Variants in ACSM2A observed in about 807,000 individuals in gnomAD.
The protein encoded by ACSM2A is acyl-CoA synthetase medium chain family member 2A.
ACSM2A carries 72 observed loss-of-function variants against 76.6 expected under a neutral mutation model. The observed-to-expected ratio is 0.94, with a 90% CI of 0.78 to 1.14. The LOEUF is 1.14. ACSM2A is among the 50% of genes most tolerant of loss of function. ACSM2A has a pLI of 0.00. For synonymous variants in ACSM2A, 249 were observed against 255.9 expected, an observed-to-expected ratio of 0.97 and a Z score of 0.26; for missense variants, 684 against 708.5, an observed-to-expected ratio of 0.97 and a Z score of 0.39.
chr16:20,486,872 T>A lies in ACSM2A; in HGVS notation c.*194T>A. ...AAGAAAGGGAAGGAATGAGAGAGAGTGAAAAGGAGAGGGTAACAGAAAAAA... is the reference window on the plus strand; with the variant it reads ...AAGAAAGGGAAGGAATGAGAGAGAGAGAAAAGGAGAGGGTAACAGAAAAAA... On this transcript the variant is annotated 3_prime_UTR_variant, in exon 14 of 14. Coordinates refer to ENST00000573854, the MANE Select transcript of ACSM2A (RefSeq NM_001308172.2). 1 of 606,372 alleles carries A rather than the reference T, an allele frequency of 1.6e-6. No homozygotes were observed. The highest frequency in any genetic ancestry group is 2.9e-5 in the South Asian group (1 of 34,556). The allele number at this position is 606,372 out of a possible 1,614,324, so 37.6% of individuals were successfully genotyped here.
intron 6 of ACSM2A, among the ~76,000 whole-genome samples, chr16:20,473,741 G>A (rs968469380): frequency 2.6e-5 from 4 of 151,854 alleles, no homozygotes; most frequent in African/African-American, 9.7e-5. Flanking sequence ...CTGAGAGACT[G>A]TTTCAGGCCA....
intron 13 of ACSM2A, among the ~76,000 whole-genome samples, chr16:20,484,111 T>C (rs1039321397): frequency 1.3e-5 from 2 of 149,570 alleles, no homozygotes; most frequent in Non-Finnish European, 3.0e-5. Flanking sequence ...CATGTGTCCA[T>C]TGCTAAATGA....
At chr16:20,468,125 C>T (rs1264582131) in intron 3 of ACSM2A, among the ~76,000 whole-genome samples, 1 of 152,044 alleles carries the variant, frequency 6.6e-6, no homozygotes, top group Non-Finnish European at 1.5e-5. Context: ...AGGTGACATA[C>T]TGAAATTATA....
rs1055012 is a variant in ACSM2A at position 20,486,897 on chromosome 16, A to G, written c.*219A>G. On this transcript the variant is annotated 3_prime_UTR_variant, in exon 14 of 14. Transcript: ENST00000573854. Reference sequence around the variant, plus strand: ...TGAAAAGGAGAGGGTAACAGAAAAAAAGGAAAGAAAAGTAAGTCAGGGAAA... The same window carrying G: ...TGAAAAGGAGAGGGTAACAGAAAAAGAGGAAAGAAAAGTAAGTCAGGGAAA... 6.3e-5 allele frequency: 30 copies of G among 478,446 alleles called. 1 individual carries two copies. Among genetic ancestry groups the G allele is most frequent in the Admixed American group, 3.8e-4 (10 of 26,164 alleles). The allele number at this position is 478,446 out of a possible 1,614,324, so 29.6% of individuals were successfully genotyped here.
At chr16:20,461,514 A>G (rs903692757) in intron 2 of ACSM2A, among the ~76,000 whole-genome samples, 2 of 152,190 alleles carry the variant, frequency 1.3e-5, no homozygotes, top group African/African-American at 4.8e-5. Flanking sequence ...CACCATTAGC[A>G]AAATAAATGA....
At chr16:20,454,932 A>C (rs1164746769) in intron 1 of ACSM2A, among the ~76,000 whole-genome samples, 1 of 151,868 alleles carries the variant, frequency 6.6e-6, no homozygotes, top group East Asian at 1.9e-4. Context: ...GAGGGGAGAA[A>C]TCTTCAGTGA....
chr16:20,466,114 T>A (rs11647451), intron 3 of ACSM2A, among the ~76,000 whole-genome samples: 16 of 151,428 alleles, frequency 1.1e-4, no homozygotes, highest in Non-Finnish European at 1.9e-4. Context: ...TTTTTGTAAA[T>A]AAAGTTTTAT....
At chr16:20,485,633 G>C (rs1347378776) in intron 13 of ACSM2A, among the ~76,000 whole-genome samples, 1 of 152,200 alleles carries the variant, frequency 6.6e-6, no homozygotes, top group African/African-American at 2.4e-5. Context: ...GAAGTGGGCT[G>C]TATTTTGCCT....
intron 3 of ACSM2A, among the ~76,000 whole-genome samples, chr16:20,468,699 G>A (rs1567364376): frequency 6.6e-6 from 1 of 152,116 alleles, no homozygotes; most frequent in East Asian, 1.9e-4. Flanking sequence ...AATAATCAAA[G>A]GAGTCTCATT....
At chr16:20,458,171 A>G (rs12922153) in intron 1 of ACSM2A, among the ~76,000 whole-genome samples, 15 of 151,788 alleles carry the variant, frequency 9.9e-5, no homozygotes, top group East Asian at 5.8e-4. Flanking sequence ...AAACAAATGG[A>G]AACACATCCT....
At chr16:20,455,649 TAAATCTTGAAAC>T (rs1349492201) in intron 1 of ACSM2A, among the ~76,000 whole-genome samples, 3 of 149,980 alleles carry the variant, frequency 2.0e-5, no homozygotes, top group African/African-American at 7.5e-5. Flanking sequence ...AAAGGAGCTT[TAAATCTTGAAAC>T]AAATCCTGGA....
intron 1 of ACSM2A, among the ~76,000 whole-genome samples, chr16:20,458,928 A>G (rs1246528341): frequency 1.7e-5 from 1 of 58,738 alleles, no homozygotes; most frequent in South Asian, 6.5e-4. Context: ...ATATATATAT[A>G]TATACATATA....
At chr16:20,481,331 G>A (rs374948594) in intron 12 of ACSM2A, 4,031 of 194,866 alleles carry the variant, frequency 0.021, 145 homozygotes, top group African/African-American at 0.086. Flanking sequence ...TAAGTATCCA[G>A]TGGATGAAAG....
intron 6 of ACSM2A, among the ~76,000 whole-genome samples, chr16:20,473,116 G>A (rs188177777): frequency 5.3e-5 from 8 of 152,244 alleles, no homozygotes; most frequent in African/African-American, 1.7e-4. Flanking sequence ...TCCCTGCTGT[G>A]CCCCCAGATC....
Position 20,477,382 on chromosome 16 carries a change from T to A in ACSM2A, c.1112T>A (p.Met371Lys), listed in dbSNP as rs1380178077. Residue 371 changes from methionine to lysine, a missense_variant, in exon 9 of 14, where the codon ATG becomes AAG. By Grantham distance (95) the Met-to-Lys change is moderately conservative. Coordinates refer to ENST00000573854, the MANE Select transcript of ACSM2A (RefSeq NM_001308172.2). Reference protein sequence around the residue: ...YGQTETGLTCMVSKTMKIKPG... With the variant: ...YGQTETGLTCKVSKTMKIKPG... ...TTCTTTCCACAGGGATTAACTTGCA[T>A]GGTTTCCAAGACAATGAAAATCAAA... 3 of 1,608,450 alleles carry A rather than the reference T, an allele frequency of 1.9e-6. No homozygotes were observed. The highest frequency in any genetic ancestry group is 2.5e-6 in the Non-Finnish European group (3 of 1,176,696).
chr16:20,465,331 G>C (rs1272473864), intron 2 of ACSM2A, among the ~76,000 whole-genome samples, 186 bp from the exon 3 acceptor site: 1 of 152,114 alleles, frequency 6.6e-6, no homozygotes, highest in African/African-American at 2.4e-5. Context: ...TACTATGGTA[G>C]ATATTGACAG....
intron 4 of ACSM2A, among the ~76,000 whole-genome samples, chr16:20,469,997 TG>T (rs2013285909): frequency 6.6e-6 from 1 of 150,440 alleles, no homozygotes; most frequent in Non-Finnish European, 1.5e-5. Context: ...TGAAAAGCAC[TG>T]ATCCATTAGC....
chr16:20,486,094 A>G (rs1250280612), intron 13 of ACSM2A, among the ~76,000 whole-genome samples: 1 of 152,242 alleles, frequency 6.6e-6, no homozygotes, highest in Non-Finnish European at 1.5e-5. Flanking sequence ...ATTAACCCAG[A>G]TTAATAACCA....
intron 3 of ACSM2A, among the ~76,000 whole-genome samples, chr16:20,468,020 CAT>C (rs2013120654): frequency 6.6e-6 from 1 of 152,004 alleles, no homozygotes; most frequent in Non-Finnish European, 1.5e-5. Context: ...AAGAGAAAGA[CAT>C]GAATGCAGCC....
Sources: allele counts gnomAD v4.1 joint callset (sites outside exome capture counted in the v4.1 genomes callset), GRCh38; gene constraint gnomAD v4.1.1; transcripts MANE v1.5; gene names NCBI Gene and HGNC (gene_info 2026-07-23, HGNC 2026-07-21).